The following ADCY5 variants were observed in gnomAD, a reference collection of about 807,000 sequenced individuals.
ADCY5 encodes adenylate cyclase 5.
In ADCY5, 30 loss-of-function variants were observed where a neutral mutation model predicts 119.7. The ratio of observed to expected loss-of-function variants is 0.25; its 90% CI spans 0.19 to 0.34. The LOEUF (loss-of-function observed/expected upper bound fraction) is 0.34. Ranked by LOEUF, ADCY5 falls within the 10% of genes least tolerant of loss-of-function variation. The pLI, the probability that ADCY5 is intolerant of heterozygous loss-of-function variation, is 1.00. For synonymous variants in ADCY5, 753 were observed against 762.2 expected (o/e 0.99, Z 0.20); for missense variants, 1,324 against 1,775.2 (o/e 0.75, Z 4.57).
At chr3:123,365,992 T>C (rs917357578) in intron 1 of ADCY5, among the ~76,000 whole-genome samples, 1 of 152,154 alleles carries the variant, frequency 6.6e-6, no homozygotes, top group South Asian at 2.1e-4. Flanking sequence ...CTAGGAACAT[T>C]TGCAGTGTGG....
intron 1 of ADCY5, among the ~76,000 whole-genome samples, chr3:123,384,947 G>A (rs539335210): frequency 5.1e-4 from 77 of 152,220 alleles, no homozygotes; most frequent in African/African-American, 1.8e-3. Context: ...TGAAGTCCCT[G>A]GGACCCCACC....
chr3:123,393,232 T>C (rs1000195238), intron 1 of ADCY5, among the ~76,000 whole-genome samples: 4 of 152,176 alleles, frequency 2.6e-5, no homozygotes, highest in Non-Finnish European at 5.9e-5. Context: ...TAAACCTTCT[T>C]GGAATCCCTG....
intron 1 of ADCY5, among the ~76,000 whole-genome samples, chr3:123,430,159 C>T (rs183511403): frequency 6.6e-6 from 1 of 152,232 alleles, no homozygotes; most frequent in Non-Finnish European, 1.5e-5. Context: ...CATTCCATAT[C>T]TTTCAGTTCC....
chr3:123,346,276 C>T (rs537895224), intron 3 of ADCY5, among the ~76,000 whole-genome samples: 2 of 152,360 alleles, frequency 1.3e-5, no homozygotes, highest in East Asian at 1.9e-4. Flanking sequence ...CTGAGCTGGG[C>T]TCAGCTGCAA....
Position 123,330,090 on chromosome 3 carries a change from G to A in ADCY5, c.1646+799C>T, listed in dbSNP as rs113697167. Reference sequence around the variant, plus strand: ...GGAGTCCTGGTCTCTCTCCCTTAAGGCTCTGTGCTTCCGGGGAGACTGATT... The same window carrying A: ...GGAGTCCTGGTCTCTCTCCCTTAAGACTCTGTGCTTCCGGGGAGACTGATT... On this transcript the variant is annotated intron_variant, in intron 5 of 20. Coordinates refer to ENST00000462833, the MANE Select transcript of ADCY5 (RefSeq NM_183357.3). 3.0e-3 allele frequency among the ~76,000 whole-genome samples: 450 copies of A among 152,242 alleles called. 1 individual carries two copies. Among genetic ancestry groups the A allele is most frequent in the African/African-American group, 0.01 (423 of 41,536 alleles).
At chr3:123,294,700 G>A (rs753058513) in intron 17 of ADCY5, among the ~76,000 whole-genome samples, 20 of 152,206 alleles carry the variant, frequency 1.3e-4, no homozygotes, top group Admixed American at 4.6e-4. Context: ...ACAGGATCCT[G>A]GACCAGCATC....
chr3:123,328,616 C>A, intron 6 of ADCY5, 28 bp downstream of exon 6: 1 of 1,610,740 alleles, frequency 6.2e-7, no homozygotes, highest in Non-Finnish European at 8.5e-7. Context: ...CAGGTCGGGG[C>A]CCCAAGCCAC....
rs74792396 is a variant in ADCY5 at position 123,308,393 on chromosome 3, C to T, written c.2443-4210G>A. Among the ~76,000 whole-genome samples, 1,294 of 152,228 alleles carry T rather than the reference C, an allele frequency of 8.5e-3. 14 individuals are homozygous for T. Among genetic ancestry groups the T allele is most frequent in the African/African-American group, 0.027 (1,142 of 41,554 alleles). On this transcript the variant is annotated intron_variant, in intron 12 of 20. Transcript: ENST00000462833. ...TGACTTTAAAACCTCAGTAGGAACT[C>T]AGGAATTACTGTTCTTTTGAAGTCT...
intron 1 of ADCY5, among the ~76,000 whole-genome samples, chr3:123,390,308 G>A (rs980906789): frequency 6.6e-6 from 1 of 152,154 alleles, no homozygotes; most frequent in Non-Finnish European, 1.5e-5. Flanking sequence ...TAATCCCCTT[G>A]ATTGCCCAGT....
chr3:123,354,419 A>C (rs758528957), intron 1 of ADCY5, among the ~76,000 whole-genome samples: 7 of 152,186 alleles, frequency 4.6e-5, no homozygotes, highest in African/African-American at 9.7e-5. Flanking sequence ...CAGAAGGAAG[A>C]GCCCCTAAGA....
chr3:123,416,621 G>A (rs115504473), intron 1 of ADCY5, among the ~76,000 whole-genome samples: 5 of 152,072 alleles, frequency 3.3e-5, no homozygotes, highest in Admixed American at 2.0e-4. Context: ...TCACAAACTC[G>A]CTCTGCCACG....
chr3:123,406,053 G>T (rs1055849202), intron 1 of ADCY5, among the ~76,000 whole-genome samples: 2 of 152,186 alleles, frequency 1.3e-5, no homozygotes, highest in African/African-American at 4.8e-5. Flanking sequence ...GCTTGTGAGT[G>T]CACCTTTCAT....
At chr3:123,380,957 T>A (rs1265035788) in intron 1 of ADCY5, among the ~76,000 whole-genome samples, 1 of 152,114 alleles carries the variant, frequency 6.6e-6, no homozygotes, top group African/African-American at 2.4e-5. Context: ...CTGGGTCCCA[T>A]TCCTAGCCCT....
At position 123,283,528 on chromosome 3, in the gene ADCY5, C is replaced by G. The variant is rs1446619104; in HGVS notation, c.*1080G>C. 6.6e-6 allele frequency: 1 copy of G among 152,118 alleles called. No individual in the cohort carries two copies. Among genetic ancestry groups the G allele is most frequent in the African/African-American group, 2.4e-5 (1 of 41,386 alleles). 9.4% of individuals were successfully genotyped at this position (152,118 alleles called of 1,614,324 possible). A position where few individuals can be genotyped will look rare whatever the true frequency, so the allele number is the denominator to read the frequency against. ...AAGATGGGGCAGTGTGTCCATGCAT[C>G]CTCCTACTTAATCTGAGCATATGGT... On this transcript the variant is annotated 3_prime_UTR_variant, in exon 21 of 21. Transcript: ENST00000462833.
At position 123,426,268 on chromosome 3, in the gene ADCY5, A is replaced by G. The variant is rs549131448; in HGVS notation, c.1134+21144T>C. On this transcript the variant is annotated intron_variant, in intron 1 of 20. Transcript: ENST00000462833. ...GAAGTTCCTACCTGTAGGAGCTGAC[A>G]TTCTTTTTTTTTCTTTTTCTTTTCT... Among the ~76,000 whole-genome samples the G allele has an allele frequency of 6.8e-5, 10 of 147,226 alleles. No homozygotes were observed. In the East Asian group the frequency reaches 2.0e-3, roughly 30 times the overall value.
At chr3:123,411,894 T>TGCC (rs1232669552) in intron 1 of ADCY5, among the ~76,000 whole-genome samples, 1 of 152,140 alleles carries the variant, frequency 6.6e-6, no homozygotes, top group Non-Finnish European at 1.5e-5. Flanking sequence ...ACCCATCCCC[T>TGCC]GCCCCCGCAT....
At chr3:123,350,160 C>T (rs1942765579) in intron 2 of ADCY5, among the ~76,000 whole-genome samples, 1 of 152,232 alleles carries the variant, frequency 6.6e-6, no homozygotes, top group South Asian at 2.1e-4. Flanking sequence ...CCTTCAGGGT[C>T]TCCCTTTTCC....
chr3:123,399,270 G>C (rs982638532), intron 1 of ADCY5, among the ~76,000 whole-genome samples: 10 of 152,204 alleles, frequency 6.6e-5, no homozygotes, highest in Non-Finnish European at 1.5e-4. Flanking sequence ...GATATGCTGG[G>C]TTAAATAAAG....
chr3:123,447,575 C>T lies in ADCY5; in HGVS notation c.971G>A (p.Ser324Asn). 6.2e-7 allele frequency: 1 copy of T among 1,608,372 alleles called. No individual in the cohort carries two copies. Among genetic ancestry groups the T allele is most frequent in the South Asian group, 1.1e-5 (1 of 90,878 alleles). ...VVGLLLPQPRSASEGIWWTVF... is the reference protein window; with the variant it reads ...VVGLLLPQPRNASEGIWWTVF... ...GGTCCACCAGATGCCCTCAGAGGCG[C>T]TGCGTGGCTGCGGCAGCAGCAGGCC... Residue 324 changes from serine (S) to asparagine (N), a missense_variant, in exon 1 of 21, where the codon AGC (serine) becomes AAC (asparagine). Coordinates refer to ENST00000462833, the MANE Select transcript of ADCY5 (RefSeq NM_183357.3).
Sources: allele counts gnomAD v4.1 joint callset (sites outside exome capture counted in the v4.1 genomes callset), GRCh38; gene constraint gnomAD v4.1.1; transcripts MANE v1.5; gene names NCBI Gene and HGNC (gene_info 2026-07-23, HGNC 2026-07-21).